The following FAM13A variants were observed in gnomAD, a reference collection of about 807,000 sequenced individuals.
FAM13A encodes family with sequence similarity 13 member A.
FAM13A carries 76 observed loss-of-function variants against 129.6 expected under a neutral mutation model. That is an observed-to-expected ratio of 0.59 (90% confidence interval 0.49 to 0.71). The LOEUF is 0.71. Ranked by LOEUF, FAM13A falls within the 30% of genes least tolerant of loss-of-function variation. The pLI is 0.00. For synonymous variants in FAM13A, 443 were observed against 449.9 expected (o/e 0.98, Z 0.20); for missense variants, 1,108 against 1,249.3 (o/e 0.89, Z 1.70).
chr4:88,753,588 GT>G, intron 14 of FAM13A: 1 of 720,400 alleles, frequency 1.4e-6, no homozygotes. Flanking sequence ...GAAGTGAAAG[GT>G]TTCTCATCTA....
intron 21 of FAM13A, chr4:88,736,399 C>A (rs572036397): frequency 6.6e-6 from 1 of 152,234 alleles, no homozygotes; most frequent in South Asian, 2.1e-4. Flanking sequence ...ATTGGTTTCC[C>A]TCAGTAGACA....
chr4:88,760,589 G>T (rs1361101229), intron 13 of FAM13A, among the ~76,000 whole-genome samples: 1 of 113,720 alleles, frequency 8.8e-6, no homozygotes, highest in African/African-American at 3.9e-5. Context: ...GGGCGACAGA[G>T]CGAGACTCCG....
At chr4:88,880,851 G>A (rs1196603728) in intron 6 of FAM13A, among the ~76,000 whole-genome samples, 2 of 147,980 alleles carry the variant, frequency 1.4e-5, no homozygotes, top group African/African-American at 5.0e-5. Flanking sequence ...AGTGAGGCCT[G>A]TAACTGCTGG....
At chr4:89,029,824 G>A in intron 1 of FAM13A, 175 bp from the exon 2 acceptor site, 3 of 642,982 alleles carry the variant, frequency 4.7e-6, no homozygotes, top group South Asian at 1.9e-5. Flanking sequence ...CAGATATAAT[G>A]GTTAAAAGGA....
intron 4 of FAM13A, among the ~76,000 whole-genome samples, chr4:88,982,305 T>A (rs989370647): frequency 5.3e-5 from 8 of 152,368 alleles, no homozygotes; most frequent in Non-Finnish European, 1.2e-4. Flanking sequence ...CATCTCATGT[T>A]TCTAAAGAGC....
chr4:88,971,071 G>A (rs1009821815), intron 4 of FAM13A, among the ~76,000 whole-genome samples: 2 of 152,174 alleles, frequency 1.3e-5, no homozygotes, highest in African/African-American at 4.8e-5. Flanking sequence ...AGCCGGGCGT[G>A]GTGGCGGGCG....
intron 7 of FAM13A, among the ~76,000 whole-genome samples, chr4:88,806,577 C>T (rs1319885120): frequency 6.6e-6 from 1 of 152,112 alleles, no homozygotes; most frequent in Admixed American, 6.6e-5. Context: ...CACTGTTTTT[C>T]ATTCTCTCAT....
chr4:88,919,184 C>T (rs1340693087), intron 5 of FAM13A, among the ~76,000 whole-genome samples: 2 of 152,200 alleles, frequency 1.3e-5, no homozygotes, highest in Non-Finnish European at 2.9e-5. Flanking sequence ...TGGAAACAAA[C>T]ATCCTGGTTA....
chr4:88,998,505 C>T (rs1462320391), intron 3 of FAM13A, among the ~76,000 whole-genome samples: 3 of 152,052 alleles, frequency 2.0e-5, no homozygotes, highest in Non-Finnish European at 4.4e-5. Context: ...GAAATGTTTC[C>T]TGAATTAATC....
chr4:88,975,678 T>A (rs945493301), intron 4 of FAM13A, among the ~76,000 whole-genome samples: 1 of 152,264 alleles, frequency 6.6e-6, no homozygotes, highest in East Asian at 1.9e-4. Flanking sequence ...AATTTGCTTT[T>A]TCTCTGCAAA....
chr4:88,859,726 A>C (rs1361403582), intron 6 of FAM13A, among the ~76,000 whole-genome samples: 1 of 152,206 alleles, frequency 6.6e-6, no homozygotes, highest in Non-Finnish European at 1.5e-5. Context: ...GGGTTTCACC[A>C]GCTGCATTCA....
chr4:88,948,563 AC>A (rs1384036268), intron 4 of FAM13A, among the ~76,000 whole-genome samples: 2 of 151,446 alleles, frequency 1.3e-5, no homozygotes, highest in African/African-American at 4.9e-5. Context: ...ATCTCAGCTC[AC>A]TGCAACCTCC....
At chr4:88,876,724 T>A (rs1742572459) in intron 6 of FAM13A, among the ~76,000 whole-genome samples, 3 of 152,104 alleles carry the variant, frequency 2.0e-5, no homozygotes, top group Admixed American at 2.0e-4. Flanking sequence ...CCCAAGTAGC[T>A]GGGACTACAG....
chr4:89,002,878 T>A (rs1223149015), intron 3 of FAM13A, among the ~76,000 whole-genome samples: 1 of 152,134 alleles, frequency 6.6e-6, no homozygotes, highest in Non-Finnish European at 1.5e-5. Flanking sequence ...AAAAGTGAGA[T>A]TATTTTGGAT....
At chr4:89,040,273 A>G (rs1769938531) in intron 1 of FAM13A, among the ~76,000 whole-genome samples, 1 of 152,204 alleles carries the variant, frequency 6.6e-6, no homozygotes, top group South Asian at 2.1e-4. Context: ...ATGAGTACAA[A>G]TATCACGGAA....
intron 6 of FAM13A, among the ~76,000 whole-genome samples, chr4:88,872,240 C>A: frequency 6.6e-6 from 1 of 152,232 alleles, no homozygotes; most frequent in Non-Finnish European, 1.5e-5. Context: ...CATCAACCAA[C>A]GGGCAAAATA....
intron 6 of FAM13A, among the ~76,000 whole-genome samples, chr4:88,885,204 T>C (rs1415949593): frequency 1.3e-5 from 2 of 151,528 alleles, no homozygotes; most frequent in Non-Finnish European, 2.9e-5. Flanking sequence ...GAATGGCCAA[T>C]CCAAAACTAA....
intron 4 of FAM13A, chr4:88,990,576 T>G (rs1055437804): frequency 6.3e-6 from 1 of 159,802 alleles, no homozygotes; most frequent in African/African-American, 2.4e-5. Context: ...ACTGGCATAG[T>G]CTGTTCATAA....
At chr4:88,874,505 CAGAG>C (rs567640379) in intron 6 of FAM13A, among the ~76,000 whole-genome samples, 13,986 of 152,060 alleles carry the variant, frequency 0.092, 848 homozygotes, top group Non-Finnish European at 0.14. Flanking sequence ...AACAGGCAAA[CAGAG>C]AGCCAAATCA....
Sources: gnomAD v4.1 joint callset for allele counts (sites outside exome capture counted in the v4.1 genomes callset) on GRCh38, gnomAD v4.1.1 for gene constraint, MANE v1.5 for transcripts, NCBI Gene and HGNC (gene_info 2026-07-23, HGNC 2026-07-21) for gene names.